Variants in EML2 observed in about 807,000 individuals in gnomAD.
The protein encoded by EML2 is echinoderm microtubule-associated protein-like 2.
EML2 carries 59 observed loss-of-function variants against 84.7 expected under a neutral mutation model. The observed-to-expected ratio is 0.70, with a 90% CI of 0.56 to 0.86. The LOEUF (loss-of-function observed/expected upper bound fraction) is 0.86, where lower values mean the gene tolerates loss of function less well. EML2 is among the 40% of genes least tolerant of loss of function. The pLI, the probability that EML2 is intolerant of heterozygous loss-of-function variation, is 0.00. For missense variants in EML2, 818 were observed against 855.6 expected (o/e 0.96, Z 0.55); for synonymous variants, 352 against 348.9 (o/e 1.01, Z -0.10).
Position 45,632,784 on chromosome 19 carries a change from G to C in EML2, c.510+77C>G, listed in dbSNP as rs568147449. On this transcript the variant is annotated intron_variant, in intron 6 of 18. Coordinates refer to ENST00000245925, the MANE Select transcript of EML2 (RefSeq NM_012155.4). ...CAGGATTCCCGGCCCTCAACCCAAG[G>C]GGCGGGTGAAAAGGTGCGGGCACTT... is the stretch of plus-strand genomic sequence containing the variant. The C allele has an allele frequency of 2.5e-5, 32 of 1,280,618 alleles. No homozygotes were observed. The East Asian group carries it at 7.7e-4, about 31-fold the overall frequency. 79.3% of individuals were successfully genotyped at this position (1,280,618 alleles called of 1,614,324 possible). A position where few individuals can be genotyped will look rare whatever the true frequency, so the allele number is the denominator to read the frequency against.
intron 7 of EML2, among the ~76,000 whole-genome samples, chr19:45,628,115 T>TA (rs1972584735): frequency 1.3e-5 from 2 of 150,724 alleles, no homozygotes; most frequent in South Asian, 4.2e-4. Flanking sequence ...CTCACACCTG[T>TA]AATCCCAGCA....
intron 18 of EML2, among the ~76,000 whole-genome samples, chr19:45,612,631 G>A (rs1433072789): frequency 6.6e-6 from 1 of 152,040 alleles, no homozygotes; most frequent in African/African-American, 2.4e-5. Context: ...CCGAGATTGT[G>A]CCATGCCACT....
chr19:45,630,725 G>C (rs1343154632), intron 6 of EML2, among the ~76,000 whole-genome samples: 1 of 152,102 alleles, frequency 6.6e-6, no homozygotes, highest in African/African-American at 2.4e-5. Flanking sequence ...TTTCTCTGCA[G>C]CCAGCACCCC....
intron 6 of EML2, among the ~76,000 whole-genome samples, chr19:45,632,212 G>C (rs887185349): frequency 7.1e-6 from 1 of 141,842 alleles, no homozygotes; most frequent in Non-Finnish European, 1.5e-5. Flanking sequence ...TTTTGAGTAC[G>C]AGTCTCGCTC....
At chr19:45,609,826 G>T (rs1310944055) in intron 18 of EML2, 38 bp from the exon 19 acceptor site, 1 of 1,606,852 alleles carries the variant, frequency 6.2e-7, no homozygotes, top group Admixed American at 1.7e-5. Context: ...AAATGTCAGT[G>T]GGGACAATGC....
chr19:45,635,486 A>C (rs115416140), intron 3 of EML2, among the ~76,000 whole-genome samples: 1 of 151,786 alleles, frequency 6.6e-6, no homozygotes, highest in South Asian at 2.1e-4. Flanking sequence ...ACCAGACTCA[A>C]CAAGGTCATT....
At chr19:45,629,335 T>C (rs1056511338) in intron 7 of EML2, among the ~76,000 whole-genome samples, 18 of 151,890 alleles carry the variant, frequency 1.2e-4, no homozygotes, top group Non-Finnish European at 8.8e-5. Flanking sequence ...GTTTTGTTTT[T>C]TGTTTTTGAG....
chr19:45,644,632 C>T (rs1282159654), upstream of EML2: 5 of 454,796 alleles, frequency 1.1e-5, no homozygotes, highest in Non-Finnish European at 2.2e-5. Context: ...TCCCCCCATC[C>T]TCAGCCTTTT....
upstream of EML2, chr19:45,641,956 G>A (rs878955543): frequency 1.4e-6 from 2 of 1,444,536 alleles, no homozygotes; most frequent in African/African-American, 2.9e-5. Flanking sequence ...GAGAGGATGG[G>A]GACGTGGCAT....
intron 6 of EML2, among the ~76,000 whole-genome samples, chr19:45,631,319 A>C (rs1442075997): frequency 6.6e-6 from 1 of 152,162 alleles, no homozygotes; most frequent in East Asian, 1.9e-4. Context: ...CTCTTAAGCT[A>C]TCTGTGCAGG....
chr19:45,633,023 A>G (rs1483707932), intron 5 of EML2, 47 bp downstream of exon 5: 5 of 1,600,426 alleles, frequency 3.1e-6, no homozygotes, highest in Non-Finnish European at 4.3e-6. Flanking sequence ...CTTGTCCCCC[A>G]CAACTGCGTC....
At position 45,638,639 on chromosome 19, in the gene EML2, C is replaced by G. The variant is rs1974064249; in HGVS notation, c.50-5G>C. The stretch of plus-strand genomic sequence containing the variant: ...ACATTTTCACGGAGCCATCCTCTGC[C>G]AGGACACCCCCAGAGGTCAGGCACT... On this transcript the variant is annotated splice_region_variant and splice_polypyrimidine_tract_variant and intron_variant, in intron 2 of 18. Transcript: ENST00000245925. The G allele has an allele frequency of 6.8e-6, 11 of 1,613,588 alleles. No individual in the cohort carries two copies. In the South Asian group the frequency reaches 1.1e-4, roughly 16 times the overall value.
intron 11 of EML2, 100 bp downstream of exon 11, chr19:45,621,107 A>T: frequency 6.7e-7 from 1 of 1,482,832 alleles, no homozygotes; most frequent in Non-Finnish European, 9.1e-7. Flanking sequence ...CAGAGCAGGG[A>T]GGTGAGGAGA....
chr19:45,627,248 C>T (rs539510802), intron 7 of EML2, among the ~76,000 whole-genome samples: 1 of 150,596 alleles, frequency 6.6e-6, no homozygotes, highest in South Asian at 2.1e-4. Flanking sequence ...TGAGCCACTG[C>T]GCCCGGCCTT....
At chr19:45,636,431 T>TTTG (rs1428362848) in intron 3 of EML2, among the ~76,000 whole-genome samples, 1 of 152,144 alleles carries the variant, frequency 6.6e-6, no homozygotes, top group Non-Finnish European at 1.5e-5. Flanking sequence ...TGTTTGTTTG[T>TTTG]TTTGTTTTTT....
In EML2 at chr19:45,617,694, G is replaced by A. The variant is rs779768120; in HGVS notation, c.1258C>T (p.Pro420Ser). The A allele has an allele frequency of 5.0e-6, 8 of 1,613,574 alleles. No individual in the cohort carries two copies. In the Admixed American group the frequency reaches 1.2e-4, roughly 24 times the overall value. ...QPLWSRIIED[P>S]ARSAGFHPSG... ...GGGTGGAAGCCGGCTGAGCGGGCAGGGTCCTGAGAAGGGAGAGAGAAGAGG... is the reference window on the plus strand; with the variant it reads ...GGGTGGAAGCCGGCTGAGCGGGCAGAGTCCTGAGAAGGGAGAGAGAAGAGG... The change falls in exon 13 of 19, where the codon CCT becomes TCT. Residue 420 changes from proline (P) to serine (S), a missense_variant. Transcript: ENST00000245925.
At chr19:45,619,233 G>T in intron 11 of EML2, 42 bp from the exon 12 acceptor site, 1 of 1,581,100 alleles carries the variant, frequency 6.3e-7, no homozygotes, top group South Asian at 1.1e-5. Context: ...CAGCAGCCCT[G>T]GCCTTTTCCC....
upstream of EML2, chr19:45,642,294 C>T (rs1310040742): frequency 6.5e-7 from 1 of 1,535,946 alleles, no homozygotes; most frequent in South Asian, 1.2e-5. Context: ...GCAGCCGCTG[C>T]TCCAGCGCCG....
At position 45,626,740 on chromosome 19, in the gene EML2, C is replaced by A. The variant is rs756603454; in HGVS notation, c.706G>T (p.Gly236Trp). 5.6e-6 allele frequency: 9 copies of A among 1,613,882 alleles called. No individual in the cohort carries two copies. Among genetic ancestry groups the A allele is most frequent in the Non-Finnish European group, 6.8e-6 (8 of 1,179,902 alleles). Residue 236 changes from glycine to tryptophan, a missense_variant, in exon 8 of 19, where the codon GGG (glycine) becomes TGG (tryptophan). By Grantham distance (184) the Gly-to-Trp change is radical. Transcript: ENST00000245925. ...KSHIYFWTLE[G>W]GSLSKRQGLF... ...CCTTGCCGCTTGCTCAAGCTGCCCCCCTCCAAGGTCCAGAAGTAGATGTGA... is the reference window on the plus strand; with the variant it reads ...CCTTGCCGCTTGCTCAAGCTGCCCCACTCCAAGGTCCAGAAGTAGATGTGA...
Sources: gnomAD v4.1 joint callset for allele counts (sites outside exome capture counted in the v4.1 genomes callset) on GRCh38, gnomAD v4.1.1 for gene constraint, MANE v1.5 for transcripts, NCBI Gene and HGNC (gene_info 2026-07-23, HGNC 2026-07-21) for gene names.